The following PREP variants were observed in gnomAD, a reference collection of about 807,000 sequenced individuals.
The protein encoded by PREP is prolyl endopeptidase, also known as dJ355L5.1 (prolyl endopeptidase).
Under a neutral mutation model 87.6 loss-of-function variants are expected in PREP, and 29 were observed. The ratio of observed to expected loss-of-function variants is 0.33; its 90% CI spans 0.25 to 0.45. PREP has a LOEUF of 0.45. PREP is among the 20% of genes least tolerant of loss of function. PREP has a pLI of 1.00. For missense variants in PREP, 695 were observed against 886.5 expected, an observed-to-expected ratio of 0.78 and a Z score of 2.74; for synonymous variants, 337 against 328.6, an observed-to-expected ratio of 1.03 and a Z score of -0.28.
intron 6 of PREP, among the ~76,000 whole-genome samples, chr6:105,368,422 T>C (rs942282395): frequency 3.9e-5 from 6 of 152,216 alleles, no homozygotes; most frequent in African/African-American, 1.4e-4. Context: ...TATATGAATA[T>C]TGATGAGAAA....
chr6:105,313,863 G>C (rs944892302), intron 10 of PREP, among the ~76,000 whole-genome samples: 1 of 152,190 alleles, frequency 6.6e-6, no homozygotes, highest in East Asian at 1.9e-4. Context: ...AAAAGCAAAA[G>C]AGTAAATAAA....
At chr6:105,333,586 ATCTT>A in intron 7 of PREP, 81 bp from the exon 8 acceptor site, 1 of 1,340,458 alleles carries the variant, frequency 7.5e-7, no homozygotes. Context: ...GGGAGGGTGG[ATCTT>A]TCTTATCCTC....
At chr6:105,314,864 G>A (rs1770828974) in intron 10 of PREP, among the ~76,000 whole-genome samples, 1 of 152,096 alleles carries the variant, frequency 6.6e-6, no homozygotes, top group African/African-American at 2.4e-5. Flanking sequence ...CATTTGTAAG[G>A]CAACTACAGC....
At chr6:105,375,395 A>G (rs1306935556) in intron 4 of PREP, among the ~76,000 whole-genome samples, 3 of 152,260 alleles carry the variant, frequency 2.0e-5, no homozygotes, top group Non-Finnish European at 2.9e-5. Flanking sequence ...TAACATCATT[A>G]TCATTGTAGA....
rs887818726 is a variant in PREP at position 105,276,350 on chromosome 6, C to A, written c.*1794G>T. 1.3e-5 allele frequency among the ~76,000 whole-genome samples: 2 copies of A among 150,258 alleles called. No homozygotes were observed. The highest frequency in any genetic ancestry group is 1.3e-4 in the Admixed American group (2 of 15,278). On this transcript the variant is annotated 3_prime_UTR_variant, in exon 15 of 15. Transcript: ENST00000652536. ...CCTGATATCTGAAGCTCACACACTA[C>A]ACACTGTATTTTCTGCTGTAAAGCA...
At chr6:105,336,814 TC>T (rs1422999449) in intron 7 of PREP, among the ~76,000 whole-genome samples, 1 of 152,214 alleles carries the variant, frequency 6.6e-6, no homozygotes, top group African/African-American at 2.4e-5. Context: ...CCTATAAACT[TC>T]CAGGTCTATA....
chr6:105,345,118 G>C (rs138893565), intron 7 of PREP, among the ~76,000 whole-genome samples: 41 of 152,204 alleles, frequency 2.7e-4, no homozygotes, highest in Admixed American at 2.7e-3. Flanking sequence ...CTTTGGTAGA[G>C]AAATAAATCA....
chr6:105,336,598 T>G (rs998571158), intron 7 of PREP, among the ~76,000 whole-genome samples: 5 of 152,236 alleles, frequency 3.3e-5, no homozygotes, highest in African/African-American at 1.2e-4. Flanking sequence ...TCTCTAGTGA[T>G]GCTTTCTGCT....
At chr6:105,294,358 A>C (rs1265318948) in intron 10 of PREP, among the ~76,000 whole-genome samples, 1 of 152,140 alleles carries the variant, frequency 6.6e-6, no homozygotes, top group Non-Finnish European at 1.5e-5. Flanking sequence ...CTTACCAATT[A>C]ATATCAACTA....
At chr6:105,362,878 A>AC (rs530063622) in intron 6 of PREP, among the ~76,000 whole-genome samples, 1 of 151,766 alleles carries the variant, frequency 6.6e-6, no homozygotes, top group Non-Finnish European at 1.5e-5. Flanking sequence ...GGAGGCAGGG[A>AC]CCCCCCACCA....
intron 7 of PREP, among the ~76,000 whole-genome samples, chr6:105,342,532 G>C (rs542311913): frequency 4.9e-4 from 75 of 152,262 alleles, no homozygotes; most frequent in African/African-American, 1.5e-3. Context: ...GTTCTGGCCA[G>C]GGCAATCAGG....
At chr6:105,341,730 A>C (rs1771656066) in intron 7 of PREP, among the ~76,000 whole-genome samples, 2 of 152,244 alleles carry the variant, frequency 1.3e-5, no homozygotes, top group South Asian at 2.1e-4. Flanking sequence ...CCACAGAAAT[A>C]CAAACTACCA....
chr6:105,322,850 A>G, intron 10 of PREP: 1 of 1,158,612 alleles, frequency 8.6e-7, no homozygotes, highest in East Asian at 5.9e-5. Flanking sequence ...TTGAAGGGTA[A>G]TTCACCAAGC....
At chr6:105,354,007 C>A (rs1772027792) in intron 6 of PREP, among the ~76,000 whole-genome samples, 1 of 152,038 alleles carries the variant, frequency 6.6e-6, no homozygotes, top group Non-Finnish European at 1.5e-5. Flanking sequence ...CTAATACAAA[C>A]AATGTATTAT....
chr6:105,312,921 G>T (rs1770788612), intron 10 of PREP, among the ~76,000 whole-genome samples: 1 of 152,148 alleles, frequency 6.6e-6, no homozygotes, highest in Non-Finnish European at 1.5e-5. Flanking sequence ...AAAGTTGTGT[G>T]GAGGAGCATG....
chr6:105,400,299 TC>T (rs1773393452), intron 1 of PREP, among the ~76,000 whole-genome samples: 1 of 152,174 alleles, frequency 6.6e-6, no homozygotes, highest in Non-Finnish European at 1.5e-5. Context: ...CTTGTACTGT[TC>T]AACAACTCAC....
intron 5 of PREP, 117 bp from the exon 6 acceptor site, chr6:105,369,141 TTAACA>T: frequency 9.8e-7 from 1 of 1,024,694 alleles, no homozygotes; most frequent in Non-Finnish European, 1.4e-6. Flanking sequence ...GGATACAAGG[TTAACA>T]TACAGAAATC....
chr6:105,369,170 TA>T, intron 5 of PREP, 146 bp from the exon 6 acceptor site: 1 of 727,622 alleles, frequency 1.4e-6, no homozygotes, highest in Non-Finnish European at 2.2e-6. Flanking sequence ...TACTTTCCTA[TA>T]TACCAGCAAC....
intron 2 of PREP, among the ~76,000 whole-genome samples, chr6:105,396,066 C>T (rs1263414216): frequency 2.6e-5 from 4 of 152,216 alleles, no homozygotes; most frequent in African/African-American, 4.8e-5. Context: ...GAGCTACAGC[C>T]TTCACCATTC....
Sources: gnomAD v4.1 joint callset for allele counts (sites outside exome capture counted in the v4.1 genomes callset) on GRCh38, gnomAD v4.1.1 for gene constraint, MANE v1.5 for transcripts, NCBI Gene and HGNC (gene_info 2026-07-23, HGNC 2026-07-21) for gene names.